Variants in MBNL2 observed in about 807,000 individuals in gnomAD.
MBNL2 encodes the protein muscleblind like splicing regulator 2.
A neutral mutation model predicts 41.9 loss-of-function variants in MBNL2; 17 were observed. The observed-to-expected ratio is 0.41, with a 90% CI of 0.28 to 0.61. MBNL2 has a LOEUF of 0.61. Ranked by LOEUF, MBNL2 falls within the 20% of genes least tolerant of loss-of-function variation. The pLI is 0.35. For synonymous variants in MBNL2, 195 were observed against 182.9 expected, an observed-to-expected ratio of 1.07 and a Z score of -0.53; for missense variants, 336 against 505.6, an observed-to-expected ratio of 0.66 and a Z score of 3.22.
chr13:97,314,420 T>C (rs2058861773), intron 2 of MBNL2, among the ~76,000 whole-genome samples: 1 of 152,220 alleles, frequency 6.6e-6, no homozygotes, highest in Non-Finnish European at 1.5e-5. Flanking sequence ...CTACATGTTG[T>C]ATTTATTGAT....
At chr13:97,313,862 G>T (rs1338783034) in intron 2 of MBNL2, among the ~76,000 whole-genome samples, 2 of 152,132 alleles carry the variant, frequency 1.3e-5, no homozygotes, top group Admixed American at 6.5e-5. Flanking sequence ...TGATCACAAG[G>T]GCAGTCCTAA....
the MBNL2 span, among the ~76,000 whole-genome samples, chr13:97,200,044 G>A: frequency 6.6e-6 from 1 of 152,254 alleles, no homozygotes; most frequent in Non-Finnish European, 1.5e-5. Context: ...GCAAATAGGA[G>A]TCTACATTGA....
In MBNL2 at chr13:97,393,165, C is replaced by T. The variant is rs1182547852; in HGVS notation, c.*1716C>T. On this transcript the variant is annotated 3_prime_UTR_variant, in exon 9 of 9. Coordinates refer to ENST00000679496, the MANE Select transcript of MBNL2 (RefSeq NM_001382683.1). ...AAAGTATTGTATCTAACTTGTATTA[C>T]TTTGGTAGTTTCATCTTTATGTATT... The T allele has an allele frequency of 1.3e-5, 2 of 152,418 alleles. No homozygotes were observed. The allele number at this position is 152,418 out of a possible 1,614,324, so 9.4% of individuals were successfully genotyped here.
chr13:97,173,310 T>G, the MBNL2 span, among the ~76,000 whole-genome samples: 1 of 152,226 alleles, frequency 6.6e-6, no homozygotes, highest in Non-Finnish European at 1.5e-5. Context: ...ACTGCTTATG[T>G]GCCAAGTGCT....
chr13:97,234,510 A>G (rs1594069785), intron 1 of MBNL2, among the ~76,000 whole-genome samples: 1 of 152,216 alleles, frequency 6.6e-6, no homozygotes, highest in South Asian at 2.1e-4. Flanking sequence ...GGCGGGGGGT[A>G]GTGAATAGAT....
chr13:97,142,276 C>A, the MBNL2 span, among the ~76,000 whole-genome samples: 3 of 152,114 alleles, frequency 2.0e-5, no homozygotes, highest in Non-Finnish European at 2.9e-5. Flanking sequence ...ATTCTGCATT[C>A]TAAAAACTCA....
the MBNL2 span, among the ~76,000 whole-genome samples, chr13:97,158,465 G>A: frequency 2.6e-5 from 4 of 151,918 alleles, no homozygotes; most frequent in Admixed American, 6.6e-5. Flanking sequence ...TCTTGCTTTT[G>A]TAGTTCTTTT....
the MBNL2 span, among the ~76,000 whole-genome samples, chr13:97,173,304 C>T: frequency 6.6e-6 from 1 of 152,192 alleles, no homozygotes; most frequent in African/African-American, 2.4e-5. Flanking sequence ...AAAACAACTG[C>T]TTATGTGCCA....
At chr13:97,231,771 C>T (rs1339794446) in intron 1 of MBNL2, among the ~76,000 whole-genome samples, 1 of 152,096 alleles carries the variant, frequency 6.6e-6, no homozygotes, top group Non-Finnish European at 1.5e-5. Context: ...CCAGGGAAGG[C>T]TGTTGTGTTT....
At chr13:97,185,105 C>T in the MBNL2 span, among the ~76,000 whole-genome samples, 3 of 152,202 alleles carry the variant, frequency 2.0e-5, no homozygotes, top group East Asian at 5.8e-4. Context: ...TAATATTCAA[C>T]AGAGTGTTCA....
At chr13:97,206,238 C>T in the MBNL2 span, among the ~76,000 whole-genome samples, 49 of 152,062 alleles carry the variant, frequency 3.2e-4, no homozygotes, top group Middle Eastern at 3.2e-3. Flanking sequence ...GAGCAAGCCA[C>T]GTAGATTTTT....
intron 7 of MBNL2, among the ~76,000 whole-genome samples, chr13:97,359,534 T>C (rs2063238012): frequency 6.6e-6 from 1 of 152,200 alleles, no homozygotes. Flanking sequence ...AGGATAAACA[T>C]TTCCAAAGCA....
chr13:97,284,145 A>G (rs1410537498), intron 2 of MBNL2, among the ~76,000 whole-genome samples: 1 of 152,158 alleles, frequency 6.6e-6, no homozygotes, highest in Non-Finnish European at 1.5e-5. Flanking sequence ...AAACACCTGA[A>G]ATGTGTTCTT....
chr13:97,352,984 A>G (rs2062640902), intron 5 of MBNL2, among the ~76,000 whole-genome samples: 1 of 152,234 alleles, frequency 6.6e-6, no homozygotes, highest in Non-Finnish European at 1.5e-5. Flanking sequence ...ATGGCCATTT[A>G]CACAAACAGG....
chr13:97,204,765 G>A, the MBNL2 span, among the ~76,000 whole-genome samples: 1 of 152,094 alleles, frequency 6.6e-6, no homozygotes, highest in Non-Finnish European at 1.5e-5. Context: ...GGTCCCCCAG[G>A]TCAATGTAAT....
chr13:97,227,108 GTTTA>G (rs2041755688), intron 1 of MBNL2, among the ~76,000 whole-genome samples: 1 of 151,620 alleles, frequency 6.6e-6, no homozygotes, highest in Admixed American at 6.6e-5. Flanking sequence ...TAAGTTTTGG[GTTTA>G]TTTGTTGGTT....
At chr13:97,266,321 G>T (rs970806223) in intron 1 of MBNL2, among the ~76,000 whole-genome samples, 1 of 152,222 alleles carries the variant, frequency 6.6e-6, no homozygotes, top group Non-Finnish European at 1.5e-5. Flanking sequence ...ACCATTAAAA[G>T]AAATCTCTTT....
At position 97,314,494 on chromosome 13, in the gene MBNL2, G is replaced by A. The variant is rs74104401; in HGVS notation, c.175-19782G>A. Among the ~76,000 whole-genome samples the A allele has an allele frequency of 2.0e-3, 304 of 152,276 alleles. 2 individuals are homozygous for A. The highest frequency in any genetic ancestry group is 6.8e-3 in the African/African-American group (282 of 41,556). ...TCTATGAAGGCAGGGACTTTTGCCT[G>A]TTGTGCTCATTGTCTTGTCTCTAGT... On this transcript the variant is annotated intron_variant, in intron 2 of 8. Coordinates refer to ENST00000679496, the MANE Select transcript of MBNL2 (RefSeq NM_001382683.1).
At chr13:97,177,413 C>T in the MBNL2 span, among the ~76,000 whole-genome samples, 1 of 152,058 alleles carries the variant, frequency 6.6e-6, no homozygotes. Context: ...AAATAGAACT[C>T]TTGATGAGGA....
Sources: gnomAD v4.1 joint callset for allele counts (sites outside exome capture counted in the v4.1 genomes callset) on GRCh38, gnomAD v4.1.1 for gene constraint, MANE v1.5 for transcripts, NCBI Gene and HGNC (gene_info 2026-07-23, HGNC 2026-07-21) for gene names.